Variants in HACD3 observed in about 807,000 individuals in gnomAD.
HACD3 encodes very-long-chain (3R)-3-hydroxyacyl-CoA dehydratase 3.
Under a neutral mutation model 55.2 loss-of-function variants are expected in HACD3, and 30 were observed. The observed-to-expected ratio is 0.54, with a 90% CI of 0.41 to 0.74. HACD3 has a LOEUF of 0.74. Among genes scored for constraint, HACD3 ranks in the 30% least tolerant of loss-of-function variants. HACD3 has a pLI of 0.00. For missense variants in HACD3, 363 were observed against 440.1 expected, an observed-to-expected ratio of 0.82 and a Z score of 1.57; for synonymous variants, 141 against 151.7, an observed-to-expected ratio of 0.93 and a Z score of 0.52.
At chr15:65,539,022 A>G (rs2071992041) in intron 1 of HACD3, among the ~76,000 whole-genome samples, 1 of 152,186 alleles carries the variant, frequency 6.6e-6, no homozygotes. Context: ...ATACTGGGAA[A>G]CCAGAAACTT....
chr15:65,536,062 G>A (rs955903660), intron 1 of HACD3, among the ~76,000 whole-genome samples: 1 of 151,976 alleles, frequency 6.6e-6, no homozygotes, highest in African/African-American at 2.4e-5. Flanking sequence ...TGTCACCCAG[G>A]CTGGAGTGCA....
chr15:65,572,914 CAAAAAAAAAAAAAAAATAAATAAATAAA>C (rs1285627714), intron 10 of HACD3, among the ~76,000 whole-genome samples: 1 of 106,420 alleles, frequency 9.4e-6, no homozygotes, highest in Non-Finnish European at 2.1e-5. Context: ...GACTTTGTCT[CAAAAAAAAAAAAAAAATAAATAAATAAA>C]TAAAAATTAA....
Position 65,530,495 on chromosome 15 carries a change from GT to G in HACD3, c.-136del. ...CGCAGGCGCGGCCCGCGAGCGTGGG[GT>G]ATCTCGAGGTGCCGGGTTGCAGGCG... On this transcript the variant is annotated 5_prime_UTR_variant, in exon 1 of 11. Transcript: ENST00000261875. 1 of 689,254 alleles carries G rather than the reference GT, an allele frequency of 1.5e-6. No individual in the cohort carries two copies. Among genetic ancestry groups the G allele is most frequent in the Non-Finnish European group, 2.3e-6 (1 of 443,944 alleles). The allele number at this position is 689,254 out of a possible 1,614,324, so 42.7% of individuals were successfully genotyped here.
chr15:65,549,426 G>GAAAAAAAAA (rs34149100), intron 1 of HACD3, among the ~76,000 whole-genome samples: 3 of 111,062 alleles, frequency 2.7e-5, no homozygotes, highest in African/African-American at 1.0e-4. Context: ...TCTCTGCTGG[G>GAAAAAAAAA]AAAAAAAAAA....
At chr15:65,555,776 C>T (rs1211277934) in intron 3 of HACD3, among the ~76,000 whole-genome samples, 1 of 152,120 alleles carries the variant, frequency 6.6e-6, no homozygotes, top group Non-Finnish European at 1.5e-5. Context: ...GTAACTGATC[C>T]AATACAGTTC....
chr15:65,553,294 G>T (rs2072153992), intron 2 of HACD3: 1 of 151,476 alleles, frequency 6.6e-6, no homozygotes, highest in Admixed American at 6.6e-5. Flanking sequence ...CCTGATACTA[G>T]ATTAGCAGAC....
chr15:65,533,909 A>G (rs2071928446), intron 1 of HACD3, among the ~76,000 whole-genome samples: 1 of 151,876 alleles, frequency 6.6e-6, no homozygotes, highest in Non-Finnish European at 1.5e-5. Context: ...AAAATTAGCC[A>G]GGCGTGGTGG....
chr15:65,540,600 G>T (rs1476257879), intron 1 of HACD3, among the ~76,000 whole-genome samples: 3 of 152,158 alleles, frequency 2.0e-5, no homozygotes, highest in African/African-American at 4.8e-5. Context: ...GAGCAGAAAG[G>T]ATATTAGTAT....
chr15:65,554,700 G>A (rs1397885313), intron 2 of HACD3, among the ~76,000 whole-genome samples, 187 bp from the exon 3 acceptor site: 3 of 152,116 alleles, frequency 2.0e-5, no homozygotes, highest in Non-Finnish European at 2.9e-5. Flanking sequence ...GCATGAACCC[G>A]GGAGGCGGAG....
Position 65,562,753 on chromosome 15 carries a change from CTGCTT to C in HACD3, c.422-9_422-5del. 6.2e-7 allele frequency: 1 copy of C among 1,611,410 alleles called. No homozygotes were observed. ...TGGGACTATTGCTTTTAATAGCTTA[CTGCTT>C]TGCTTTGCTTTACAGCTCTTACAAA... On this transcript the variant is annotated splice_polypyrimidine_tract_variant and intron_variant, in intron 5 of 10. Transcript: ENST00000261875.
At chr15:65,565,561 G>C (rs948798142) in intron 7 of HACD3, 4 of 152,330 alleles carry the variant, frequency 2.6e-5, no homozygotes, top group African/African-American at 7.2e-5. Context: ...TGCACCCTCT[G>C]AAGCCACAGC....
chr15:65,562,089 C>T (rs2072249477), intron 5 of HACD3, among the ~76,000 whole-genome samples: 2 of 152,244 alleles, frequency 1.3e-5, no homozygotes, highest in African/African-American at 4.8e-5. Context: ...CTGACTAAAC[C>T]CTGTCCCCTT....
chr15:65,575,464 G>A (rs955103268), intron 10 of HACD3, among the ~76,000 whole-genome samples: 8 of 152,090 alleles, frequency 5.3e-5, no homozygotes, highest in African/African-American at 1.4e-4. Context: ...CTGAGATTAC[G>A]GTCGTGAGCC....
chr15:65,576,213 A>G, intron 10 of HACD3, 90 bp from the exon 11 acceptor site: 1 of 1,511,024 alleles, frequency 6.6e-7, no homozygotes, highest in Non-Finnish European at 8.8e-7. Context: ...GTGGAATATG[A>G]CGACAGCTAG....
intron 5 of HACD3, among the ~76,000 whole-genome samples, chr15:65,560,958 A>T (rs190993483): frequency 2.7e-3 from 418 of 152,314 alleles, no homozygotes; most frequent in Middle Eastern, 6.8e-3. Context: ...TTTAGATTGT[A>T]AGCTCTGAGG....
At chr15:65,570,237 T>C in intron 8 of HACD3, 34 bp downstream of exon 8, 1 of 1,437,298 alleles carries the variant, frequency 7.0e-7, no homozygotes, top group East Asian at 2.3e-5. Context: ...GTTTGAATGC[T>C]GCTCCCTGTT....
At chr15:65,560,846 A>C (rs1596214662) in intron 5 of HACD3, among the ~76,000 whole-genome samples, 1 of 150,380 alleles carries the variant, frequency 6.6e-6, no homozygotes, top group African/African-American at 2.4e-5. Flanking sequence ...AGCTTTATCC[A>C]TGTAGACTAG....
At chr15:65,541,237 A>T (rs929886561) in intron 1 of HACD3, among the ~76,000 whole-genome samples, 1 of 152,172 alleles carries the variant, frequency 6.6e-6, no homozygotes, top group African/African-American at 2.4e-5. Context: ...GACTTAATTG[A>T]TTGTAAAATG....
chr15:65,533,961 G>C (rs1263469786), intron 1 of HACD3, among the ~76,000 whole-genome samples: 7 of 151,666 alleles, frequency 4.6e-5, no homozygotes, highest in Non-Finnish European at 8.8e-5. Flanking sequence ...TGAGGCAGGA[G>C]AATGGCGTGA....
Sources: gnomAD v4.1 joint callset for allele counts (sites outside exome capture counted in the v4.1 genomes callset) on GRCh38, gnomAD v4.1.1 for gene constraint, MANE v1.5 for transcripts, NCBI Gene and HGNC (gene_info 2026-07-23, HGNC 2026-07-21) for gene names.